The following RBFOX1 variants were observed in gnomAD, a reference collection of about 807,000 sequenced individuals.
RBFOX1 encodes RNA binding protein fox-1 homolog 1.
Under a neutral mutation model 57.7 loss-of-function variants are expected in RBFOX1, and 8 were observed. The ratio of observed to expected loss-of-function variants is 0.14; its 90% confidence interval spans 0.08 to 0.25. The LOEUF (loss-of-function observed/expected upper bound fraction) is 0.25, where lower values mean the gene tolerates loss of function less well. Ranked by LOEUF, RBFOX1 falls within the 10% of genes least tolerant of loss-of-function variation. The pLI is 1.00. For synonymous variants in RBFOX1, 326 were observed against 222.4 expected (o/e 1.47, Z -4.15); for missense variants, 611 against 548.5 (o/e 1.11, Z -1.14).
chr16:5,421,880 G>C, intron 1 of RBFOX1, among the ~76,000 whole-genome samples: 1 of 152,116 alleles, frequency 6.6e-6, no homozygotes, highest in South Asian at 2.1e-4. Flanking sequence ...GCATGCTCGT[G>C]GTTAGGGACA....
chr16:7,710,507 G>T lies in RBFOX1; in HGVS notation c.1072-116G>T, dbSNP rs930860071. Reference sequence around the variant, plus strand: ...CAAGAATGACCTGGGATGGGTAGGGGGTGCCTCCATTTCGGTTGGTTTTGA... The same window carrying T: ...CAAGAATGACCTGGGATGGGTAGGGTGTGCCTCCATTTCGGTTGGTTTTGA... On this transcript the variant is annotated intron_variant, in intron 15 of 15. Transcript: ENST00000550418. 3 of 1,568,226 alleles carry T rather than the reference G, an allele frequency of 1.9e-6. No homozygotes were observed. In the African/African-American group the frequency reaches 4.2e-5, roughly 22 times the overall value.
At chr16:6,038,605 A>T (rs905180786) in intron 1 of RBFOX1, 1 of 147,534 alleles carries the variant, frequency 6.8e-6, no homozygotes, top group Non-Finnish European at 1.5e-5. Context: ...ATATATATAT[A>T]TATCTCCATG....
At chr16:6,612,075 C>A (rs1047712599) in intron 2 of RBFOX1, among the ~76,000 whole-genome samples, 1 of 152,152 alleles carries the variant, frequency 6.6e-6, no homozygotes, top group Admixed American at 6.5e-5. Flanking sequence ...AATATATTTA[C>A]GTCTAAAACA....
intron 3 of RBFOX1, among the ~76,000 whole-genome samples, chr16:5,760,999 C>T (rs1008546431): frequency 6.6e-6 from 1 of 152,186 alleles, no homozygotes; most frequent in South Asian, 2.1e-4. Flanking sequence ...TAAACTTCAC[C>T]TCAATGAAAA....
rs1021253745 is a variant in RBFOX1 at position 6,414,752 on chromosome 16, C to G, written c.-64+97695C>G. 2.0e-5 allele frequency among the ~76,000 whole-genome samples: 3 copies of G among 152,120 alleles called. No homozygotes were observed. In the East Asian group the frequency reaches 5.8e-4, roughly 29 times the overall value. On this transcript the variant is annotated intron_variant, in intron 2 of 15. Coordinates refer to ENST00000550418, the MANE Select transcript of RBFOX1 (RefSeq NM_018723.4). ...AAAACCACTCTACAAAGCAGGGATT[C>G]TTACCCAGGGTCAATTTTACTTTTA...
Position 7,709,429 on chromosome 16 carries a change from T to C in RBFOX1, c.1071+298T>C, listed in dbSNP as rs1447691475. 18 of 1,329,524 alleles carry C rather than the reference T, an allele frequency of 1.4e-5. No homozygotes were observed. In the Middle Eastern group the frequency reaches 7.5e-4, roughly 55 times the overall value. The allele number at this position is 1,329,524 out of a possible 1,614,324, so 82.4% of individuals were successfully genotyped here. A position where few individuals can be genotyped will look rare whatever the true frequency, so the allele number is the denominator to read the frequency against. ...ATAATTAAATCCATCACTAACAGAA[T>C]GCAGTGTCAATGCAGAACTTTTTTT... On this transcript the variant is annotated intron_variant, in intron 15 of 15. Transcript: ENST00000550418.
chr16:7,211,418 C>T (rs1603240789), intron 4 of RBFOX1, among the ~76,000 whole-genome samples: 1 of 129,198 alleles, frequency 7.7e-6, no homozygotes, highest in Admixed American at 7.7e-5. Context: ...AAAAATTGGA[C>T]TCTGGTTTCT....
At chr16:6,184,044 G>C (rs192567532) in intron 1 of RBFOX1, among the ~76,000 whole-genome samples, 4 of 152,150 alleles carry the variant, frequency 2.6e-5, no homozygotes, top group Admixed American at 6.6e-5. Context: ...AAGGCAAAAG[G>C]CATGTTTTAC....
chr16:7,688,806 T>C (rs1315830296), intron 14 of RBFOX1, among the ~76,000 whole-genome samples: 1 of 152,112 alleles, frequency 6.6e-6, no homozygotes, highest in African/African-American at 2.4e-5. Context: ...AAGTTGTTGT[T>C]AGAATATGTT....
At chr16:7,473,428 T>C (rs2061972250) in intron 4 of RBFOX1, among the ~76,000 whole-genome samples, 1 of 148,098 alleles carries the variant, frequency 6.8e-6, no homozygotes, top group South Asian at 2.1e-4. Flanking sequence ...ATACATAGTA[T>C]ATAATATATA....
At chr16:6,832,028 C>T (rs1388908330) in intron 3 of RBFOX1, among the ~76,000 whole-genome samples, 1 of 152,208 alleles carries the variant, frequency 6.6e-6, no homozygotes, top group Non-Finnish European at 1.5e-5. Context: ...CTTTGGAATT[C>T]ATTGACAGCC....
chr16:6,007,021 C>T (rs1454434027), intron 4 of RBFOX1, among the ~76,000 whole-genome samples: 1 of 151,820 alleles, frequency 6.6e-6, no homozygotes, highest in African/African-American at 2.4e-5. Context: ...ACCCTCTCTC[C>T]CCATCCTTTT....
At position 5,434,317 on chromosome 16, in the gene RBFOX1, C is replaced by CTTTTTTTTTTT. The variant is rs5815245; in HGVS notation, c.220-32887_220-32877dup. Among the ~76,000 whole-genome samples, 103 of 79,720 alleles carry CTTTTTTTTTTT rather than the reference C, an allele frequency of 1.3e-3. 6 individuals carry two copies. The highest frequency in any genetic ancestry group is 1.6e-3 in the Non-Finnish European group (73 of 44,770). The allele number at this position is 79,720 out of a possible 152,430, so 52.3% of individuals were successfully genotyped here. On this transcript the variant is annotated intron_variant, in intron 1 of 2. Transcript: ENST00000585867. ...AGAGGGAGCCATCTCTGCTGAAGTCCTTTTTTTTTTTTTTTTTTTTTTGAG... is the reference window on the plus strand; with the variant it reads ...AGAGGGAGCCATCTCTGCTGAAGTCCTTTTTTTTTTTTTTTTTTTTTTTTTTTTTTTTTGAG...
intron 2 of RBFOX1, among the ~76,000 whole-genome samples, chr16:6,370,868 A>G (rs1339500636): frequency 6.6e-6 from 1 of 152,216 alleles, no homozygotes; most frequent in Admixed American, 6.5e-5. Flanking sequence ...ATTTTTTACA[A>G]GAGAGTGGGT....
Position 7,029,242 on chromosome 16 carries a change from GTATATATATACACACATATA to G in RBFOX1, c.-15-22810_-15-22791del, listed in dbSNP as rs2042131324. On this transcript the variant is annotated intron_variant, in intron 3 of 15. Coordinates refer to ENST00000550418, the MANE Select transcript of RBFOX1 (RefSeq NM_018723.4). ...TATACACACATATATATACGTATACGTATATATATACACACATATATATACGTATACGTATATATATACAC... is the reference window on the plus strand; with the variant it reads ...TATACACACATATATATACGTATACGTATACGTATACGTATATATATACAC... 4.9e-5 allele frequency among the ~76,000 whole-genome samples: 3 copies of G among 61,824 alleles called. No individual in the cohort carries two copies. In the Admixed American group the frequency reaches 5.0e-4, roughly 10 times the overall value. 40.6% of individuals were successfully genotyped at this position (61,824 alleles called of 152,430 possible).
chr16:6,526,524 A>T (rs891726878), intron 2 of RBFOX1, among the ~76,000 whole-genome samples: 1 of 152,024 alleles, frequency 6.6e-6, no homozygotes, highest in African/African-American at 2.4e-5. Context: ...TATCTCATTT[A>T]ATTCTTAATG....
At chr16:5,556,594 C>A (rs2045685773) in intron 2 of RBFOX1, among the ~76,000 whole-genome samples, 1 of 152,206 alleles carries the variant, frequency 6.6e-6, no homozygotes, top group Non-Finnish European at 1.5e-5. Context: ...ACTGGGGTTG[C>A]TGGCTGAGCT....
intron 4 of RBFOX1, among the ~76,000 whole-genome samples, chr16:7,487,947 G>A (rs989610539): frequency 6.6e-6 from 1 of 152,130 alleles, no homozygotes; most frequent in African/African-American, 2.4e-5. Context: ...CCCACTCTTG[G>A]AATGGATTTT....
intron 4 of RBFOX1, among the ~76,000 whole-genome samples, chr16:7,103,366 G>A (rs576165677): frequency 6.6e-6 from 1 of 152,172 alleles, no homozygotes; most frequent in Non-Finnish European, 1.5e-5. Flanking sequence ...CCTGATGCTG[G>A]AATAAAATAG....
Sources: allele counts gnomAD v4.1 joint callset (sites outside exome capture counted in the v4.1 genomes callset), GRCh38; gene constraint gnomAD v4.1.1; transcripts MANE v1.5; gene names NCBI Gene and HGNC (gene_info 2026-07-23, HGNC 2026-07-21).